The following SCLT1 variants were observed in gnomAD, a reference collection of about 807,000 sequenced individuals.
SCLT1 encodes sodium channel-associated protein 1.
A neutral mutation model predicts 112.8 loss-of-function variants in SCLT1; 78 were observed. That is an observed-to-expected ratio of 0.69 (90% CI 0.58 to 0.83). SCLT1 has a LOEUF of 0.83. Ranked by LOEUF, SCLT1 falls within the 40% of genes least tolerant of loss-of-function variation. SCLT1 has a pLI of 0.00. For synonymous variants in SCLT1, 257 were observed against 254.7 expected (o/e 1.01, Z -0.09); for missense variants, 747 against 770.4 (o/e 0.97, Z 0.36).
chr4:128,974,339 C>A lies in SCLT1; in HGVS notation c.687-3871G>T, dbSNP rs1358284572. ...AGTATGAATCTCTTCCTGCAGCCTG[C>A]AAGTTGATTTGTTTACTGATAATTT... On this transcript the variant is annotated intron_variant, in intron 9 of 20. Coordinates refer to ENST00000281142, the MANE Select transcript of SCLT1 (RefSeq NM_144643.4). Among the ~76,000 whole-genome samples, 4 of 151,712 alleles carry A rather than the reference C, an allele frequency of 2.6e-5. No individual in the cohort carries two copies. The East Asian group carries it at 5.8e-4, about 22-fold the overall frequency.
Position 128,984,946 on chromosome 4 carries a change from T to A in SCLT1, c.686+7221A>T, listed in dbSNP as rs147653370. Among the ~76,000 whole-genome samples, 7 of 152,304 alleles carry A rather than the reference T, an allele frequency of 4.6e-5. No homozygotes were observed. The East Asian group carries it at 1.3e-3, about 29-fold the overall frequency. ...AAAATATATATTGTTATTACAAGCA[T>A]ATGTTTTATGCTATAGATCCATATA... On this transcript the variant is annotated intron_variant, in intron 9 of 20. Coordinates refer to ENST00000281142, the MANE Select transcript of SCLT1 (RefSeq NM_144643.4).
intron 11 of SCLT1, among the ~76,000 whole-genome samples, chr4:128,960,251 A>G (rs1201490119): frequency 6.6e-6 from 1 of 152,170 alleles, no homozygotes; most frequent in Non-Finnish European, 1.5e-5. Context: ...CTCAATATTC[A>G]TATGATCATA....
chr4:128,912,226 G>C (rs558321707), intron 18 of SCLT1, among the ~76,000 whole-genome samples: 3 of 152,240 alleles, frequency 2.0e-5, no homozygotes, highest in South Asian at 4.1e-4. Context: ...ATTGGTTCAA[G>C]ACTTGGACTA....
chr4:129,027,401 G>A (rs1327082746), intron 5 of SCLT1, among the ~76,000 whole-genome samples: 2 of 150,706 alleles, frequency 1.3e-5, no homozygotes, highest in East Asian at 2.0e-4. Flanking sequence ...TTAAATATAC[G>A]CAAATCAATA....
chr4:129,028,842 C>A (rs563509742), intron 5 of SCLT1, among the ~76,000 whole-genome samples: 12 of 151,570 alleles, frequency 7.9e-5, no homozygotes, highest in African/African-American at 2.2e-4. Flanking sequence ...AAAAAAAAAA[C>A]CATCCCATCA....
At chr4:128,883,162 A>C (rs1398018936), downstream of SCLT1, among the ~76,000 whole-genome samples, 4 of 150,678 alleles carry the variant, frequency 2.7e-5, no homozygotes, top group Admixed American at 6.6e-5. Flanking sequence ...AACAACAAAA[A>C]AAAAAAAAAA....
intron 18 of SCLT1, among the ~76,000 whole-genome samples, chr4:128,892,054 G>C (rs1006925761): frequency 2.0e-5 from 3 of 152,142 alleles, no homozygotes; most frequent in African/African-American, 7.2e-5. Flanking sequence ...AGTATAGTTA[G>C]AATTCTTATT....
intron 10 of SCLT1, among the ~76,000 whole-genome samples, chr4:128,968,363 C>T (rs1740391956): frequency 6.6e-6 from 1 of 152,110 alleles, no homozygotes; most frequent in Non-Finnish European, 1.5e-5. Flanking sequence ...ATTTTTGAGT[C>T]CATCTAGTGA....
At chr4:129,090,219 T>A (rs1474626434) in intron 1 of SCLT1, among the ~76,000 whole-genome samples, 1 of 152,146 alleles carries the variant, frequency 6.6e-6, no homozygotes, top group South Asian at 2.1e-4. Flanking sequence ...GAAGAACCAA[T>A]TTTATTTTAA....
intron 5 of SCLT1, among the ~76,000 whole-genome samples, chr4:129,035,006 T>C (rs950526652): frequency 7.9e-5 from 12 of 152,140 alleles, no homozygotes; most frequent in Admixed American, 7.9e-4. Context: ...GTCATTTCTG[T>C]CTATTTTATT....
chr4:128,964,951 T>C (rs1241239041), intron 11 of SCLT1, among the ~76,000 whole-genome samples: 1 of 152,222 alleles, frequency 6.6e-6, no homozygotes, highest in Non-Finnish European at 1.5e-5. Flanking sequence ...CTAAATTTGG[T>C]ACAATTATTC....
At chr4:129,060,028 G>GTTA (rs1749811366) in intron 2 of SCLT1, among the ~76,000 whole-genome samples, 1 of 152,010 alleles carries the variant, frequency 6.6e-6, no homozygotes, top group East Asian at 1.9e-4. Context: ...TGTAGCCTTT[G>GTTA]TTATATTTAT....
At chr4:128,883,083 T>C (rs1294651159), downstream of SCLT1, among the ~76,000 whole-genome samples, 1 of 137,994 alleles carries the variant, frequency 7.2e-6, no homozygotes, top group Non-Finnish European at 1.6e-5. Flanking sequence ...GAGGCAGAGG[T>C]TGCAGTGAGC....
At chr4:129,037,676 T>C (rs1005715228) in intron 5 of SCLT1, 1 of 152,164 alleles carries the variant, frequency 6.6e-6, no homozygotes, top group African/African-American at 2.4e-5. Flanking sequence ...TGTAAGTGAA[T>C]TAAATCCTTT....
chr4:128,878,856 C>T (rs1265728595), intron 3 of SCLT1, among the ~76,000 whole-genome samples: 2 of 151,914 alleles, frequency 1.3e-5, no homozygotes, highest in South Asian at 2.1e-4. Context: ...GGAAAATTTA[C>T]CAAATCCCAC....
intron 16 of SCLT1, among the ~76,000 whole-genome samples, chr4:128,943,709 A>G (rs554563951): frequency 1.5e-4 from 23 of 152,274 alleles, no homozygotes; most frequent in African/African-American, 5.3e-4. Flanking sequence ...TAAACGGATT[A>G]TATTTCCTGA....
chr4:128,928,787 G>A (rs746440907), intron 18 of SCLT1, among the ~76,000 whole-genome samples: 8 of 151,660 alleles, frequency 5.3e-5, no homozygotes, highest in East Asian at 1.9e-4. Flanking sequence ...AGCTGAGATC[G>A]CGCCACTGCA....
intron 20 of SCLT1, among the ~76,000 whole-genome samples, chr4:128,886,317 A>T (rs1310699657): frequency 1.3e-5 from 2 of 152,190 alleles, no homozygotes; most frequent in Non-Finnish European, 2.9e-5. Context: ...TTGAACCAGT[A>T]ACACGATGCT....
At position 128,944,413 on chromosome 4, in the gene SCLT1, C is replaced by T. The variant is rs1320445001; in HGVS notation, c.1440-1225G>A. ...CAACAACAAAAAAAGAAAGCTAGAC[C>T]AGATCAAGCCTCTGGGTCTAATTGC... On this transcript the variant is annotated intron_variant, in intron 16 of 20. Transcript: ENST00000281142. Among the ~76,000 whole-genome samples the T allele has an allele frequency of 3.9e-5, 6 of 152,172 alleles. No individual in the cohort carries two copies. In the East Asian group the frequency reaches 9.7e-4, roughly 24 times the overall value.
Sources: allele counts gnomAD v4.1 joint callset (sites outside exome capture counted in the v4.1 genomes callset), GRCh38; gene constraint gnomAD v4.1.1; transcripts MANE v1.5; gene names NCBI Gene and HGNC (gene_info 2026-07-23, HGNC 2026-07-21).